Variants in RIC8B observed in about 807,000 individuals in gnomAD.
RIC8B encodes RIC8 guanine nucleotide exchange factor B.
Under a neutral mutation model 57.5 loss-of-function variants are expected in RIC8B, and 16 were observed. That is an observed-to-expected ratio of 0.28 (90% CI 0.19 to 0.42). The LOEUF is 0.42. Ranked by LOEUF, RIC8B falls within the 10% of genes least tolerant of loss-of-function variation. The pLI is 1.00. For synonymous variants in RIC8B, 216 were observed against 250.8 expected, an observed-to-expected ratio of 0.86 and a Z score of 1.31; for missense variants, 481 against 677.0, an observed-to-expected ratio of 0.71 and a Z score of 3.21.
chr12:106,883,526 T>C (rs1286788318), intron 9 of RIC8B, among the ~76,000 whole-genome samples: 1 of 152,066 alleles, frequency 6.6e-6, no homozygotes, highest in African/African-American at 2.4e-5. Flanking sequence ...CCTGGCCCCA[T>C]TGAATAGAGT....
intron 3 of RIC8B, among the ~76,000 whole-genome samples, chr12:106,817,761 C>G (rs1286414190): frequency 1.3e-5 from 2 of 148,864 alleles, no homozygotes; most frequent in Non-Finnish European, 1.5e-5. Context: ...GGAGGCGGAG[C>G]TTGCAGTAAG....
At chr12:106,861,931 T>C (rs1949957114) in intron 8 of RIC8B, among the ~76,000 whole-genome samples, 2 of 152,142 alleles carry the variant, frequency 1.3e-5, no homozygotes, top group Non-Finnish European at 2.9e-5. Flanking sequence ...TATGTATTGT[T>C]AGTTTTGTTT....
chr12:106,788,377 G>C (rs560384966), intron 2 of RIC8B, among the ~76,000 whole-genome samples: 17 of 152,264 alleles, frequency 1.1e-4, no homozygotes, highest in African/African-American at 4.1e-4. Flanking sequence ...CTGGGGTTTG[G>C]AGGATGGTGG....
chr12:106,788,256 C>T (rs545669241), intron 2 of RIC8B, among the ~76,000 whole-genome samples: 8 of 152,320 alleles, frequency 5.3e-5, no homozygotes, highest in East Asian at 1.9e-4. Context: ...GGCAGCTCCA[C>T]GCCTGTGGCT....
intron 6 of RIC8B, among the ~76,000 whole-genome samples, chr12:106,848,828 A>G (rs967036531): frequency 6.6e-6 from 1 of 152,160 alleles, no homozygotes; most frequent in Non-Finnish European, 1.5e-5. Flanking sequence ...GGAGTAGAAT[A>G]GTGGTTACCA....
chr12:106,787,621 G>GC (rs2044091668), intron 2 of RIC8B, among the ~76,000 whole-genome samples: 2 of 152,068 alleles, frequency 1.3e-5, no homozygotes. Context: ...GAGGTGAAAG[G>GC]CCCTGCTTGC....
intron 4 of RIC8B, among the ~76,000 whole-genome samples, chr12:106,834,708 G>A (rs984549211): frequency 1.3e-5 from 2 of 152,004 alleles, no homozygotes; most frequent in East Asian, 3.9e-4. Context: ...TTTCGGCCGG[G>A]TGTAGTGGCT....
At chr12:106,782,942 G>T (rs1354651084) in intron 1 of RIC8B, among the ~76,000 whole-genome samples, 2 of 152,098 alleles carry the variant, frequency 1.3e-5, no homozygotes, top group Non-Finnish European at 2.9e-5. Context: ...TAATAGAAAG[G>T]CTTAGAATTC....
At chr12:106,815,382 G>T (rs2136288220) in intron 3 of RIC8B, 78 bp downstream of exon 3, 2 of 1,455,230 alleles carry the variant, frequency 1.4e-6, no homozygotes, top group East Asian at 2.3e-5. Flanking sequence ...TGCAAGAGAA[G>T]AATACAAGTT....
intron 2 of RIC8B, among the ~76,000 whole-genome samples, chr12:106,812,928 C>A (rs1422368943): frequency 6.6e-6 from 1 of 151,960 alleles, no homozygotes; most frequent in Non-Finnish European, 1.5e-5. Flanking sequence ...AGTTCTTTTC[C>A]ACATCTATTT....
At chr12:106,818,152 C>CT (rs1296505294) in intron 3 of RIC8B, among the ~76,000 whole-genome samples, 6 of 152,032 alleles carry the variant, frequency 3.9e-5, no homozygotes, top group African/African-American at 1.2e-4. Context: ...AAACTCACCA[C>CT]TCAAAAGATA....
chr12:106,798,130 A>G (rs993458474), intron 2 of RIC8B: 11 of 644,882 alleles, frequency 1.7e-5, no homozygotes, highest in Non-Finnish European at 2.9e-5. Flanking sequence ...GCCTTATAAC[A>G]CTTAGGCATA....
chr12:106,866,035 T>C (rs1384589708), intron 8 of RIC8B, among the ~76,000 whole-genome samples: 1 of 152,182 alleles, frequency 6.6e-6, no homozygotes, highest in East Asian at 1.9e-4. Flanking sequence ...CACTCCTGCC[T>C]TTACCACTCC....
At chr12:106,797,701 C>G (rs577918746) in intron 2 of RIC8B, among the ~76,000 whole-genome samples, 2 of 152,232 alleles carry the variant, frequency 1.3e-5, no homozygotes, top group Admixed American at 1.3e-4. Flanking sequence ...ATAATGTATC[C>G]TCTACACCCA....
intron 9 of RIC8B, among the ~76,000 whole-genome samples, chr12:106,873,811 GTT>G (rs985670678): frequency 2.0e-5 from 3 of 152,168 alleles, no homozygotes; most frequent in African/African-American, 7.2e-5. Flanking sequence ...TTCAGGGACT[GTT>G]TCACAGGAAA....
chr12:106,860,606 C>T (rs1464954416), intron 8 of RIC8B, among the ~76,000 whole-genome samples, 194 bp downstream of exon 8: 1 of 152,060 alleles, frequency 6.6e-6, no homozygotes, highest in African/African-American at 2.4e-5. Context: ...GCTAATAATG[C>T]AAGAAATGAT....
chr12:106,868,832 TAAGGTGAGGCCC>T (rs1950256996), intron 8 of RIC8B, among the ~76,000 whole-genome samples: 1 of 140,910 alleles, frequency 7.1e-6, no homozygotes, highest in Non-Finnish European at 1.5e-5. Flanking sequence ...TTAGTTGGTC[TAAGGTGAGGCCC>T]AAGCTTTTTT....
intron 9 of RIC8B, among the ~76,000 whole-genome samples, chr12:106,874,085 A>C (rs1347854535): frequency 6.6e-6 from 1 of 152,188 alleles, no homozygotes; most frequent in Non-Finnish European, 1.5e-5. Context: ...ATTTCCTTTT[A>C]ACAGTTTATA....
intron 3 of RIC8B, among the ~76,000 whole-genome samples, chr12:106,824,836 G>C (rs903190994): frequency 6.6e-6 from 1 of 150,398 alleles, no homozygotes; most frequent in African/African-American, 2.4e-5. Context: ...GAACCTGGAA[G>C]GCGGAGGTTG....
Sources: allele counts gnomAD v4.1 joint callset (sites outside exome capture counted in the v4.1 genomes callset), GRCh38; gene constraint gnomAD v4.1.1; transcripts MANE v1.5; gene names NCBI Gene and HGNC (gene_info 2026-07-23, HGNC 2026-07-21).